Variants in MDN1 observed in about 807,000 individuals in gnomAD.
MDN1 encodes midasin AAA ATPase 1, also known as midasin.
Under a neutral mutation model 669.2 loss-of-function variants are expected in MDN1, and 266 were observed. The ratio of observed to expected loss-of-function variants is 0.40; its 90% CI spans 0.36 to 0.44. The LOEUF is 0.44. MDN1 is among the 20% of genes least tolerant of loss of function. MDN1 has a pLI of 1.00. For synonymous variants in MDN1, 2,385 were observed against 2,457.1 expected, an observed-to-expected ratio of 0.97 and a Z score of 0.87; for missense variants, 5,940 against 6,754.0, an observed-to-expected ratio of 0.88 and a Z score of 4.22.
At chr6:89,651,928 AT>A (rs1808900160) in intron 95 of MDN1, among the ~76,000 whole-genome samples, 1 of 43,328 alleles carries the variant, frequency 2.3e-5, no homozygotes, top group Admixed American at 3.7e-4. Context: ...TGTCACAACT[AT>A]TAACATCCAT....
At chr6:89,660,559 C>T (rs983383149) in intron 88 of MDN1, among the ~76,000 whole-genome samples, 1 of 151,604 alleles carries the variant, frequency 6.6e-6, no homozygotes, top group Non-Finnish European at 1.5e-5. Context: ...AGTTACAAAA[C>T]GAGTCTGGCT....
At position 89,673,243 on chromosome 6, in the gene MDN1, G is replaced by C; in HGVS notation, c.13467C>G (p.Ser4489Arg). 6.2e-7 allele frequency: 1 copy of C among 1,612,052 alleles called. No individual in the cohort carries two copies. The highest frequency in any genetic ancestry group is 8.5e-7 in the Non-Finnish European group (1 of 1,178,128). ...CTGAACAATATTCCTTACCTCCTTG[G>C]CTATCTGAAGTAAGCAGATGGGTCT... ...TWKTHLLTSD[S>R]QGGNQMLDEG... Residue 4489 changes from serine to arginine, a missense_variant, in exon 80 of 102, where the codon AGC becomes AGG. Coordinates refer to ENST00000369393, the MANE Select transcript of MDN1 (RefSeq NM_014611.3).
At chr6:89,667,667 T>C (rs7775498) in intron 84 of MDN1, among the ~76,000 whole-genome samples, 127,599 of 152,196 alleles carry the variant, frequency 0.84, 53,710 homozygotes, top group East Asian at 1. Context: ...TTTGGCATTA[T>C]TGTTTAATGC....
intron 61 of MDN1, among the ~76,000 whole-genome samples, chr6:89,694,488 T>C (rs1004161945): frequency 1.3e-5 from 2 of 152,264 alleles, no homozygotes; most frequent in African/African-American, 4.8e-5. Flanking sequence ...TTAATGTATT[T>C]AGTTCCTGAA....
intron 21 of MDN1, 104 bp downstream of exon 21, chr6:89,753,979 A>T: frequency 8.1e-7 from 1 of 1,236,370 alleles, no homozygotes; most frequent in Non-Finnish European, 1.1e-6. Flanking sequence ...GGCTGATCTG[A>T]CTAACTGGAA....
Position 89,687,021 on chromosome 6 carries a change from C to T in MDN1, c.11453G>A (p.Cys3818Tyr), listed in dbSNP as rs1193724621. 3 of 1,611,952 alleles carry T rather than the reference C, an allele frequency of 1.9e-6. No individual in the cohort carries two copies. Among genetic ancestry groups the T allele is most frequent in the Non-Finnish European group, 2.5e-6 (3 of 1,179,490 alleles). ...AGTATTATCCAAACTCATGGACCAGCAGCTGAAACGAGAAGAAGCCAAGGA... is the reference window on the plus strand; with the variant it reads ...AGTATTATCCAAACTCATGGACCAGTAGCTGAAACGAGAAGAAGCCAAGGA... ...IIRWRKLELN[C>Y]WSMSLDNTMK... The change falls in exon 69 of 102, where the codon TGC becomes TAC. Residue 3818 changes from cysteine to tyrosine, a missense_variant and splice_region_variant. Around this residue, in one of 5 missense-constraint regions of MDN1, gnomAD observed 2,280 missense variants for 2,576.3 expected, o/e 0.88. Transcript: ENST00000369393.
At position 89,819,492 on chromosome 6, in the gene MDN1, C is replaced by T. The variant is rs752237728; in HGVS notation, c.102+14G>A. 7 of 1,603,716 alleles carry T rather than the reference C, an allele frequency of 4.4e-6. No homozygotes were observed. In the Admixed American group the frequency reaches 1.2e-4, roughly 27 times the overall value. ...CAGTCGTTCCGGCGCTTTCCCTCTC[C>T]CTTCACGTCTTACCTGCTTGGCCAA... On this transcript the variant is annotated intron_variant, in intron 1 of 101. Coordinates refer to ENST00000369393, the MANE Select transcript of MDN1 (RefSeq NM_014611.3).
At position 89,730,912 on chromosome 6, in the gene MDN1, A is replaced by G. The variant is rs746578202; in HGVS notation, c.4954T>C (p.Ser1652Pro). 1 of 1,613,842 alleles carries G rather than the reference A, an allele frequency of 6.2e-7. No homozygotes were observed. Among genetic ancestry groups the G allele is most frequent in the East Asian group, 2.2e-5 (1 of 44,878 alleles). Residue 1652 changes from serine to proline, a missense_variant, in exon 35 of 102, where the codon TCT (serine) becomes CCT (proline). This residue lies in a region of MDN1 where 2,292 missense variants were observed against 2,638.3 expected (regional missense o/e 0.87). Coordinates refer to ENST00000369393, the MANE Select transcript of MDN1 (RefSeq NM_014611.3). ...IDGIGSGVTS[S>P]GFGTALLARK... ...GCCAAAAGGGCTGTACCAAACCCAGAGGAAGTTACCCCTAAAAGACAGAGG... is the reference window on the plus strand; with the variant it reads ...GCCAAAAGGGCTGTACCAAACCCAGGGGAAGTTACCCCTAAAAGACAGAGG...
chr6:89,675,308 C>G lies in MDN1; in HGVS notation c.12761+156G>C. 3 of 622,248 alleles carry G rather than the reference C, an allele frequency of 4.8e-6. No homozygotes were observed. The South Asian group carries it at 6.0e-5, about 12-fold the overall frequency. 38.5% of individuals were successfully genotyped at this position (622,248 alleles called of 1,614,324 possible). ...GAGGCATATCACTGAAAGCAAGGGG[C>G]AGAGCTGGGAGAAACCCTACCTGCC... is the stretch of plus-strand genomic sequence containing the variant. On this transcript the variant is annotated intron_variant, in intron 78 of 101. Transcript: ENST00000369393.
intron 2 of MDN1, among the ~76,000 whole-genome samples, chr6:89,800,419 C>T (rs1767560420): frequency 6.6e-6 from 1 of 152,040 alleles, no homozygotes; most frequent in Non-Finnish European, 1.5e-5. Flanking sequence ...AACAGCGAAA[C>T]TCCATCTCAA....
chr6:89,784,924 G>A, intron 9 of MDN1, 88 bp downstream of exon 9: 1 of 820,942 alleles, frequency 1.2e-6, no homozygotes, highest in Non-Finnish European at 2.0e-6. Flanking sequence ...AGGTTGATGA[G>A]GGTTCTGGTG....
rs575141267 is a variant in MDN1 at position 89,741,434 on chromosome 6, G to A, written c.4449-1056C>T. Among the ~76,000 whole-genome samples, 5 of 152,100 alleles carry A rather than the reference G, an allele frequency of 3.3e-5. No homozygotes were observed. In the South Asian group the frequency reaches 1.0e-3, roughly 32 times the overall value. ...CTGGGTATAGGCCAAGTAAACTATG[G>A]GAGAAATTTAGTTTACAGTTCAACT... On this transcript the variant is annotated intron_variant, in intron 31 of 101. Coordinates refer to ENST00000369393, the MANE Select transcript of MDN1 (RefSeq NM_014611.3).
At chr6:89,797,344 A>C (rs1326128629) in intron 2 of MDN1, among the ~76,000 whole-genome samples, 1 of 139,286 alleles carries the variant, frequency 7.2e-6, no homozygotes, top group East Asian at 2.2e-4. Flanking sequence ...ACTGCACTCC[A>C]GCCTGGCGAC....
At chr6:89,656,592 A>C in intron 91 of MDN1, 108 bp downstream of exon 91, 1 of 933,848 alleles carries the variant, frequency 1.1e-6, no homozygotes, top group South Asian at 1.7e-5. Context: ...AACAACAACA[A>C]AAAAACCAGG....
intron 33 of MDN1, 100 bp from the exon 34 acceptor site, chr6:89,732,875 C>T: frequency 1.0e-6 from 1 of 988,038 alleles, no homozygotes; most frequent in Non-Finnish European, 1.5e-6. Context: ...GGGGTCTCTG[C>T]TCCTTCTAAG....
At chr6:89,647,608 C>T (rs1808570423) in intron 99 of MDN1, among the ~76,000 whole-genome samples, 1 of 152,194 alleles carries the variant, frequency 6.6e-6, no homozygotes, top group Non-Finnish European at 1.5e-5. Flanking sequence ...AAGGAAGCTT[C>T]TATTCCAGTG....
chr6:89,748,149 AC>A (rs1277824551), intron 26 of MDN1, among the ~76,000 whole-genome samples: 4 of 151,846 alleles, frequency 2.6e-5, no homozygotes, highest in Admixed American at 6.6e-5. Flanking sequence ...ATATGGTGAA[AC>A]CCCGTCTCTA....
At chr6:89,672,827 T>A in intron 80 of MDN1, 125 bp from the exon 81 acceptor site, 1 of 1,069,300 alleles carries the variant, frequency 9.4e-7, no homozygotes, top group Non-Finnish European at 1.3e-6. Context: ...CTGTGCCAGA[T>A]ACAAAGAAGA....
intron 57 of MDN1, 84 bp downstream of exon 57, chr6:89,699,979 T>C (rs1310104289): frequency 6.8e-6 from 9 of 1,329,286 alleles, no homozygotes; most frequent in African/African-American, 1.5e-5. Flanking sequence ...CTATCAAGTC[T>C]GTGGTTTGTT....
Sources: gnomAD v4.1 joint callset for allele counts (sites outside exome capture counted in the v4.1 genomes callset) on GRCh38, gnomAD v4.1.1 for gene constraint, gnomAD v4.1.1 regional missense constraint, MANE v1.5 for transcripts, NCBI Gene and HGNC (gene_info 2026-07-23, HGNC 2026-07-21) for gene names.